The following SCUBE1 variants were observed in gnomAD, a reference collection of about 807,000 sequenced individuals.
SCUBE1 encodes signal peptide, CUB and EGF-like domain-containing protein 1.
In SCUBE1, 59 loss-of-function variants were observed where a neutral mutation model predicts 124.4. The observed-to-expected ratio is 0.47, with a 90% CI of 0.38 to 0.59. The LOEUF (loss-of-function observed/expected upper bound fraction) is 0.59. Among genes scored for constraint, SCUBE1 ranks in the 20% least tolerant of loss-of-function variants. The pLI, the probability that SCUBE1 is intolerant of heterozygous loss-of-function variation, is 0.00. For missense variants in SCUBE1, 1,150 were observed against 1,371.2 expected, an observed-to-expected ratio of 0.84 and a Z score of 2.55; for synonymous variants, 545 against 550.9, an observed-to-expected ratio of 0.99 and a Z score of 0.15.
chr22:43,227,429 G>A lies in SCUBE1; in HGVS notation c.1152C>T (p.Tyr384=), dbSNP rs368075176. 7.9e-5 allele frequency: 127 copies of A among 1,613,010 alleles called. No homozygotes were observed. Among genetic ancestry groups the A allele is most frequent in the East Asian group, 1.6e-4 (7 of 44,890 alleles). The change falls in exon 10 of 22, where the codon TAC becomes TAT. Residue 384 remains tyrosine, a synonymous_variant. Coordinates refer to ENST00000360835, the MANE Select transcript of SCUBE1 (RefSeq NM_173050.5). ...DQGCVNTKGS[Y]ECVCPPGRRL... Reference sequence around the variant, plus strand: ...GCCTCCCCGGGGGACAGACGCACTCGTAGCTGCCCTTGGTGTTGACGCAGC... The same window carrying A: ...GCCTCCCCGGGGGACAGACGCACTCATAGCTGCCCTTGGTGTTGACGCAGC...
At chr22:43,232,153 G>C (rs1431925893) in intron 7 of SCUBE1, 1 of 436,598 alleles carries the variant, frequency 2.3e-6, no homozygotes, top group African/African-American at 2.0e-5. Flanking sequence ...ACATTGAGTA[G>C]AGAGGAACTG....
intron 2 of SCUBE1, 32 bp downstream of exon 2, chr22:43,339,072 G>C: frequency 6.2e-7 from 1 of 1,611,888 alleles, no homozygotes; most frequent in South Asian, 1.1e-5. Flanking sequence ...GGCAGCCTCA[G>C]GGTCTGCCCG....
intron 4 of SCUBE1, among the ~76,000 whole-genome samples, chr22:43,277,040 A>G (rs1251448023): frequency 6.6e-6 from 1 of 152,094 alleles, no homozygotes; most frequent in Non-Finnish European, 1.5e-5. Flanking sequence ...GAGCAGAGAC[A>G]TGAGAGACAG....
chr22:43,332,299 A>T (rs1414524876), intron 2 of SCUBE1, among the ~76,000 whole-genome samples: 1 of 152,132 alleles, frequency 6.6e-6, no homozygotes, highest in Non-Finnish European at 1.5e-5. Flanking sequence ...AAACAAACAG[A>T]AATAACAATA....
At chr22:43,296,657 T>C (rs1048791155) in intron 3 of SCUBE1, among the ~76,000 whole-genome samples, 6 of 152,194 alleles carry the variant, frequency 3.9e-5, no homozygotes, top group Admixed American at 1.3e-4. Flanking sequence ...CACAGCTGTC[T>C]GGACCGGCGT....
intron 4 of SCUBE1, among the ~76,000 whole-genome samples, chr22:43,280,819 TCCTCCTGTCACCTCCCTCTTTGGCCAC>T (rs1924789117): frequency 2.0e-5 from 2 of 97,810 alleles, no homozygotes; most frequent in Non-Finnish European, 1.9e-5. Flanking sequence ...CCCTCAGCCA[TCCTCCTGTCACCTCCCTCTTTGGCCAC>T]CCTCCTGTCA....
rs1921121414 is a variant in SCUBE1, at chr22:43,204,129, G to A, written c.2835C>T (p.Ala945=). Residue 945 remains alanine, a synonymous_variant, in exon 22 of 22, where the codon GCC becomes GCT. Coordinates refer to ENST00000360835, the MANE Select transcript of SCUBE1 (RefSeq NM_173050.5). ...EILKDKKLIK[A]LFDVLAHPQN... is the part of the protein sequence containing the mutation. ...GGGGATGCGCCAGCACGTCGAAGAG[G>A]GCCTTGATCAGCTTCTTGTCCTGTA... is the stretch of plus-strand genomic sequence containing the variant. 1 of 1,614,014 alleles carries A rather than the reference G, an allele frequency of 6.2e-7. No homozygotes were observed. Among genetic ancestry groups the A allele is most frequent in the South Asian group, 1.1e-5 (1 of 91,066 alleles).
intron 16 of SCUBE1, chr22:43,213,167 G>C (rs1921645620): frequency 6.4e-6 from 1 of 156,190 alleles, no homozygotes; most frequent in Admixed American, 6.4e-5. Flanking sequence ...TCAGGATGCA[G>C]AGAGTATTCT....
chr22:43,293,757 G>A (rs1217836300), intron 3 of SCUBE1, among the ~76,000 whole-genome samples: 3 of 152,200 alleles, frequency 2.0e-5, no homozygotes, highest in Non-Finnish European at 4.4e-5. Flanking sequence ...CAGATTCCCT[G>A]CTCTGCGCCT....
At chr22:43,214,058 A>ACCCCCCCCCCCCC in intron 16 of SCUBE1, 32 bp downstream of exon 16, 4 of 214,036 alleles carry the variant, frequency 1.9e-5, no homozygotes, top group African/African-American at 8.3e-5. Context: ...CCCACCCCCC[A>ACCCCCCCCCCCCC]CCCCCACCTC....
At position 43,202,150 on chromosome 22, in the gene SCUBE1, CGTGA is replaced by C. The variant is rs1258998934; in HGVS notation, c.*1843_*1846del. The stretch of plus-strand genomic sequence containing the variant: ...CCGCTACTGTGGGCACATGTGACGG[CGTGA>C]GTAATTGCTGAGCTCCGGGCCCTCT... On this transcript the variant is annotated 3_prime_UTR_variant, in exon 22 of 22. Coordinates refer to ENST00000360835, the MANE Select transcript of SCUBE1 (RefSeq NM_173050.5). 4 of 152,354 alleles carry C rather than the reference CGTGA, an allele frequency of 2.6e-5. No individual in the cohort carries two copies. The highest frequency in any genetic ancestry group is 7.2e-5 in the African/African-American group (3 of 41,582). 9.4% of individuals were successfully genotyped at this position (152,354 alleles called of 1,614,324 possible).
intron 4 of SCUBE1, among the ~76,000 whole-genome samples, chr22:43,267,783 G>A (rs1295519468): frequency 6.6e-6 from 1 of 152,178 alleles, no homozygotes; most frequent in Non-Finnish European, 1.5e-5. Context: ...TGCCCTCTCT[G>A]CCCTCTCCCA....
At chr22:43,227,573 A>C (rs1922375904) in intron 9 of SCUBE1, 77 bp from the exon 10 acceptor site, 1 of 1,563,988 alleles carries the variant, frequency 6.4e-7, no homozygotes, top group Non-Finnish European at 8.7e-7. Flanking sequence ...CACCCAGGGC[A>C]AGAGGGCAAG....
chr22:43,317,385 C>T (rs1926387071), intron 3 of SCUBE1, among the ~76,000 whole-genome samples: 1 of 152,144 alleles, frequency 6.6e-6, no homozygotes, highest in Admixed American at 6.5e-5. Context: ...GCTCAGACAC[C>T]ATGTAGATAG....
At chr22:43,297,746 A>G (rs2146759182) in intron 3 of SCUBE1, among the ~76,000 whole-genome samples, 1 of 152,346 alleles carries the variant, frequency 6.6e-6, no homozygotes, top group African/African-American at 2.4e-5. Flanking sequence ...TTGGACCAAG[A>G]GTCCAGGTTC....
intron 3 of SCUBE1, among the ~76,000 whole-genome samples, chr22:43,303,964 G>C (rs984784508): frequency 5.3e-5 from 8 of 152,318 alleles, no homozygotes; most frequent in Non-Finnish European, 8.8e-5. Flanking sequence ...CTTCTGACTC[G>C]CTGCTTTGTG....
chr22:43,291,868 G>T (rs1173569969), intron 3 of SCUBE1, among the ~76,000 whole-genome samples: 1 of 152,174 alleles, frequency 6.6e-6, no homozygotes, highest in Admixed American at 6.5e-5. Context: ...TTATAGATGA[G>T]GAAACTTAGG....
rs2146655143 is a variant in SCUBE1 at position 43,211,356 on chromosome 22, G to T, written c.2222-273C>A. Among the ~76,000 whole-genome samples, 1 of 152,254 alleles carries T rather than the reference G, an allele frequency of 6.6e-6. No individual in the cohort carries two copies. Among genetic ancestry groups the T allele is most frequent in the Non-Finnish European group, 1.5e-5 (1 of 68,006 alleles). The stretch of plus-strand genomic sequence containing the variant: ...CACCTTGATGGGAGCCATTTTCAGG[G>T]AGAGCGGGGGCGATGATGTGGCCGG... On this transcript the variant is annotated intron_variant, in intron 17 of 21. Coordinates refer to ENST00000360835, the MANE Select transcript of SCUBE1 (RefSeq NM_173050.5). This position sits in a 1 kb window ranked among gnomAD's most constrained non-coding sequence, Gnocchi z 4.5.
rs188984824 is a variant in SCUBE1, at chr22:43,310,052, G to A, written c.349+9885C>T. ...TCAATCCCTGGTGAAAATAGCCCAC[G>A]GCTTCCCAGGTAACAGAATAAAATC... On this transcript the variant is annotated intron_variant, in intron 3 of 21. Transcript: ENST00000360835. 3.9e-3 allele frequency among the ~76,000 whole-genome samples: 599 copies of A among 152,146 alleles called. 4 individuals carry two copies. The highest frequency in any genetic ancestry group is 0.013 in the African/African-American group (541 of 41,486).
Sources: allele counts gnomAD v4.1 joint callset (sites outside exome capture counted in the v4.1 genomes callset), GRCh38; gene constraint gnomAD v4.1.1; non-coding constraint Gnocchi (gnomAD v3.1); transcripts MANE v1.5; gene names NCBI Gene and HGNC (gene_info 2026-07-23, HGNC 2026-07-21).